Variants in TLCD4 observed in about 807,000 individuals in gnomAD.
The protein encoded by TLCD4 is TLC domain containing 4.
TLCD4 carries 7 observed loss-of-function variants against 24.2 expected under a neutral mutation model. The ratio of observed to expected loss-of-function variants is 0.29; its 90% CI spans 0.16 to 0.54. The LOEUF (loss-of-function observed/expected upper bound fraction) is 0.54, where lower values mean the gene tolerates loss of function less well. Among genes scored for constraint, TLCD4 ranks in the 20% least tolerant of loss-of-function variants. The pLI, the probability that TLCD4 is intolerant of heterozygous loss-of-function variation, is 0.95. For synonymous variants in TLCD4, 103 were observed against 106.4 expected (o/e 0.97, Z 0.20); for missense variants, 259 against 313.9 (o/e 0.82, Z 1.32).
intron 5 of TLCD4, among the ~76,000 whole-genome samples, chr1:95,152,118 GT>G (rs1381981775): frequency 6.6e-6 from 1 of 151,846 alleles, no homozygotes; most frequent in African/African-American, 2.4e-5. Context: ...ATGTTCTGTT[GT>G]TATAGTTTAA....
chr1:95,115,087 A>ATT (rs947269795), upstream of TLCD4, among the ~76,000 whole-genome samples: 11 of 76,812 alleles, frequency 1.4e-4, no homozygotes, highest in African/African-American at 3.6e-4. Flanking sequence ...ATATATACAC[A>ATT]TTATATATAT....
Position 95,148,719 on chromosome 1 carries a change from A to G in TLCD4, c.173A>G (p.His58Arg). ...EWNSRVVSTC[H>R]SLVVGIFGLY... Reference sequence around the variant, plus strand: ...AATTTCAGGGTAGTATCCACATGCCATTCTTTGGTGGTTGGTATTTTTGGC... The same window carrying G: ...AATTTCAGGGTAGTATCCACATGCCGTTCTTTGGTGGTTGGTATTTTTGGC... The change falls in exon 3 of 7, where the codon CAT becomes CGT. Residue 58 changes from histidine to arginine, a missense_variant. By Grantham distance (29) the His-to-Arg change is conservative. Transcript: ENST00000370203. 6.2e-7 allele frequency: 1 copy of G among 1,613,716 alleles called. No homozygotes were observed. Among genetic ancestry groups the G allele is most frequent in the Non-Finnish European group, 8.5e-7 (1 of 1,179,792 alleles).
the TLCD4 span, among the ~76,000 whole-genome samples, chr1:95,103,764 G>C: frequency 6.6e-6 from 1 of 152,172 alleles, no homozygotes; most frequent in Admixed American, 6.5e-5. Flanking sequence ...TCCCAAGAAT[G>C]TCTTGTACGA....
At chr1:95,131,051 AC>A (rs1676877081) in intron 1 of TLCD4, among the ~76,000 whole-genome samples, 1 of 152,194 alleles carries the variant, frequency 6.6e-6, no homozygotes, top group African/African-American at 2.4e-5. Context: ...TGTTATTATA[AC>A]TGTTTTATTT....
chr1:95,139,454 G>GTTTTTTTTTTTT (rs1557681913), intron 1 of TLCD4, among the ~76,000 whole-genome samples: 11 of 57,460 alleles, frequency 1.9e-4, no homozygotes, highest in Non-Finnish European at 3.8e-4. Flanking sequence ...TTAAACCTTT[G>GTTTTTTTTTTTT]ATTTTTTTTT....
chr1:95,178,198 C>T (rs371166813), intron 6 of TLCD4, among the ~76,000 whole-genome samples: 7 of 151,938 alleles, frequency 4.6e-5, no homozygotes, highest in African/African-American at 1.2e-4. Context: ...CTGCCCACCT[C>T]GGCCTCCCAA....
At chr1:95,108,539 G>T in the TLCD4 span, among the ~76,000 whole-genome samples, 2 of 152,054 alleles carry the variant, frequency 1.3e-5, no homozygotes, top group Admixed American at 1.3e-4. Context: ...GCCCAGGCTG[G>T]TATCAAACTC....
chr1:95,121,475 C>CT (rs1298721500), intron 1 of TLCD4, among the ~76,000 whole-genome samples: 1 of 152,102 alleles, frequency 6.6e-6, no homozygotes, highest in Non-Finnish European at 1.5e-5. Flanking sequence ...GAAAAGTATT[C>CT]TTTTTTTCTT....
At chr1:95,102,323 T>C in the TLCD4 span, among the ~76,000 whole-genome samples, 1 of 152,024 alleles carries the variant, frequency 6.6e-6, no homozygotes, top group East Asian at 1.9e-4. Flanking sequence ...CTAAATTTGG[T>C]GAGTGAGAGT....
At chr1:95,130,844 A>T (rs557057668) in intron 1 of TLCD4, among the ~76,000 whole-genome samples, 1 of 152,324 alleles carries the variant, frequency 6.6e-6, no homozygotes, top group Non-Finnish European at 1.5e-5. Context: ...ACAGTAGATA[A>T]ATATACTCCA....
the TLCD4 span, among the ~76,000 whole-genome samples, chr1:95,111,688 G>T: frequency 6.6e-6 from 1 of 152,206 alleles, no homozygotes; most frequent in African/African-American, 2.4e-5. Flanking sequence ...ACTTGATGGT[G>T]CAGTGGACTG....
upstream of TLCD4, among the ~76,000 whole-genome samples, chr1:95,114,062 T>G (rs1676387440): frequency 6.6e-6 from 1 of 152,144 alleles, no homozygotes; most frequent in Non-Finnish European, 1.5e-5. Flanking sequence ...TTTTGGTTTG[T>G]TTGTTTGTTT....
chr1:95,126,578 G>A (rs1676742610), intron 1 of TLCD4, among the ~76,000 whole-genome samples: 2 of 152,214 alleles, frequency 1.3e-5, no homozygotes, highest in African/African-American at 4.8e-5. Context: ...TGGCTAGGTA[G>A]TTACTGTGTT....
chr1:95,165,717 C>T (rs1426391730), intron 5 of TLCD4, among the ~76,000 whole-genome samples: 6 of 152,304 alleles, frequency 3.9e-5, no homozygotes, highest in African/African-American at 9.6e-5. Flanking sequence ...CCACCCGCCT[C>T]GGCCTCCCAG....
intron 2 of TLCD4, among the ~76,000 whole-genome samples, 189 bp downstream of exon 2, chr1:95,144,245 A>G (rs1164243307): frequency 6.6e-6 from 1 of 152,374 alleles, no homozygotes; most frequent in East Asian, 1.9e-4. Context: ...ATATATTGAA[A>G]GATGTTAGGA....
rs1227957785 is a variant in TLCD4 at position 95,150,228 on chromosome 1, A to G, written c.266A>G (p.Asn89Ser). 2 of 1,610,308 alleles carry G rather than the reference A, an allele frequency of 1.2e-6. No individual in the cohort carries two copies. Among genetic ancestry groups the G allele is most frequent in the South Asian group, 2.2e-5 (2 of 90,704 alleles). Residue 89 changes from asparagine (N) to serine (S), a missense_variant, in exon 4 of 7, where the codon AAC becomes AGC. Coordinates refer to ENST00000370203, the MANE Select transcript of TLCD4 (RefSeq NM_152487.3). ...DPLWGGPSLA[N>S]VNIAIASGYL... ...TTCAGGGGTGGTCCATCACTTGCAA[A>G]CGTGAATATTGCTATTGCCTCAGGC...
At chr1:95,143,864 A>G in intron 1 of TLCD4, 27 bp from the exon 2 acceptor site, 1 of 1,342,468 alleles carries the variant, frequency 7.4e-7, no homozygotes, top group Non-Finnish European at 9.6e-7. Context: ...TGAGACAACA[A>G]TTTATAGCTG....
chr1:95,142,555 A>G (rs572890771), intron 1 of TLCD4, among the ~76,000 whole-genome samples: 3 of 152,276 alleles, frequency 2.0e-5, no homozygotes, highest in Admixed American at 6.5e-5. Flanking sequence ...TGGTCCTACC[A>G]TAGGGGCTCA....
chr1:95,188,973 C>T (rs1333294871), intron 6 of TLCD4, among the ~76,000 whole-genome samples: 3 of 152,146 alleles, frequency 2.0e-5, no homozygotes, highest in Admixed American at 1.3e-4. Flanking sequence ...TGTGTGTATA[C>T]ACCTATCTAT....
Sources: gnomAD v4.1 joint callset for allele counts (sites outside exome capture counted in the v4.1 genomes callset) on GRCh38, gnomAD v4.1.1 for gene constraint, MANE v1.5 for transcripts, NCBI Gene and HGNC (gene_info 2026-07-23, HGNC 2026-07-21) for gene names.